Variants in TMEM132D observed in about 807,000 individuals in gnomAD.
TMEM132D encodes the protein transmembrane protein 132D.
TMEM132D carries 21 observed loss-of-function variants against 62.3 expected under a neutral mutation model. The observed-to-expected ratio is 0.34, with a 90% CI of 0.24 to 0.49. The LOEUF (loss-of-function observed/expected upper bound fraction) is 0.49. TMEM132D is among the 20% of genes least tolerant of loss of function. The probability of loss-of-function intolerance (pLI) is 0.99; values close to 1 mark genes in which losing one functional copy is unlikely to be tolerated. For synonymous variants in TMEM132D, 621 were observed against 575.6 expected, an observed-to-expected ratio of 1.08 and a Z score of -1.13; for missense variants, 1,346 against 1,402.8, an observed-to-expected ratio of 0.96 and a Z score of 0.65.
chr12:129,282,213 C>T (rs1314167434), intron 4 of TMEM132D, among the ~76,000 whole-genome samples: 2 of 152,104 alleles, frequency 1.3e-5, no homozygotes, highest in Non-Finnish European at 2.9e-5. Context: ...TTGTCTCAAC[C>T]CTGGTCTGAA....
At chr12:129,870,734 C>T (rs991845315) in intron 1 of TMEM132D, among the ~76,000 whole-genome samples, 1 of 152,094 alleles carries the variant, frequency 6.6e-6, no homozygotes, top group Non-Finnish European at 1.5e-5. Flanking sequence ...TGTGTAGGCA[C>T]GTTGGACAGA....
rs1373551556 is a variant in TMEM132D at position 129,621,521 on chromosome 12, GCACCACC to G, written c.968+78282_968+78288del. On this transcript the variant is annotated intron_variant, in intron 2 of 8. Coordinates refer to ENST00000422113, the MANE Select transcript of TMEM132D (RefSeq NM_133448.3). Reference sequence around the variant, plus strand: ...CCCCACTGGCCAAAATGCTGTGCTTGCACCACCGATGCACCCAGTGAATGTTTGATAT... The same window carrying G: ...CCCCACTGGCCAAAATGCTGTGCTTGGATGCACCCAGTGAATGTTTGATAT... Among the ~76,000 whole-genome samples the G allele has an allele frequency of 1.3e-4, 3 of 22,400 alleles. No homozygotes were observed. In the East Asian group the frequency reaches 8.3e-3, roughly 62 times the overall value. 14.7% of individuals were successfully genotyped at this position (22,400 alleles called of 152,430 possible). A position where few individuals can be genotyped will look rare whatever the true frequency, so the allele number is the denominator to read the frequency against.
At chr12:129,236,986 T>C (rs937012010) in intron 4 of TMEM132D, among the ~76,000 whole-genome samples, 7 of 152,230 alleles carry the variant, frequency 4.6e-5, no homozygotes, top group African/African-American at 1.7e-4. Context: ...GAGATGATCA[T>C]GTGATTTTTA....
intron 4 of TMEM132D, among the ~76,000 whole-genome samples, chr12:129,267,290 G>A (rs56689947): frequency 0.02 from 3,063 of 152,160 alleles, 112 homozygotes; most frequent in African/African-American, 0.07. Context: ...AAACCCCATC[G>A]TCTCAGCCCA....
rs1408081449 is a variant in TMEM132D at position 129,089,489 on chromosome 12, CATGACCGGGTGTCCTCT to C, written c.1444-4804_1444-4788del. Among the ~76,000 whole-genome samples, 74 of 30,214 alleles carry C rather than the reference CATGACCGGGTGTCCTCT, an allele frequency of 2.4e-3. 17 individuals carry two copies. Among genetic ancestry groups the C allele is most frequent in the South Asian group, 0.011 (9 of 846 alleles). 19.8% of individuals were successfully genotyped at this position (30,214 alleles called of 152,430 possible). On this transcript the variant is annotated intron_variant, in intron 5 of 8. Transcript: ENST00000422113. ...GTGTCCTCCATGACCGGGTGTCCTC[CATGACCGGGTGTCCTCT>C]ATGACCGGGTGTCCTCCATGACCGG...
chr12:129,886,292 G>T (rs1274037627), intron 1 of TMEM132D, among the ~76,000 whole-genome samples: 1 of 152,088 alleles, frequency 6.6e-6, no homozygotes, highest in African/African-American at 2.4e-5. Flanking sequence ...TACTTCTGAG[G>T]GGAATGAATC....
At chr12:129,888,368 G>A (rs148253679) in intron 1 of TMEM132D, among the ~76,000 whole-genome samples, 28 of 152,214 alleles carry the variant, frequency 1.8e-4, no homozygotes, top group Non-Finnish European at 3.5e-4. Flanking sequence ...TTAAATATTA[G>A]AGAAAATTTG....
At chr12:129,465,903 G>T (rs1301574188) in intron 3 of TMEM132D, among the ~76,000 whole-genome samples, 1 of 152,022 alleles carries the variant, frequency 6.6e-6, no homozygotes, top group Admixed American at 6.6e-5. Flanking sequence ...GGCTGGTGTC[G>T]AATTCCTGAC....
At position 129,600,909 on chromosome 12, in the gene TMEM132D, G is replaced by A. The variant is rs141238477; in HGVS notation, c.969-69704C>T. On this transcript the variant is annotated intron_variant, in intron 2 of 8. Transcript: ENST00000422113. ...CTAGGAATTTCAGAGTGGTAAATGC[G>A]TGTTGGCTTCAACTTAAAGTCACCA... Among the ~76,000 whole-genome samples, 320 of 152,236 alleles carry A rather than the reference G, an allele frequency of 2.1e-3. 4 individuals carry two copies. Among genetic ancestry groups the A allele is most frequent in the East Asian group, 9.8e-3 (51 of 5,178 alleles).
At chr12:129,388,585 C>T (rs1357146669) in intron 3 of TMEM132D, among the ~76,000 whole-genome samples, 5 of 111,560 alleles carry the variant, frequency 4.5e-5, no homozygotes, top group South Asian at 2.8e-4. Flanking sequence ...ACACTAACAC[C>T]GACACCAATA....
chr12:129,373,501 G>A (rs546451786), intron 3 of TMEM132D, among the ~76,000 whole-genome samples: 21 of 151,988 alleles, frequency 1.4e-4, no homozygotes, highest in African/African-American at 4.1e-4. Flanking sequence ...GCTCGGTGGC[G>A]GGCGCCTGTA....
intron 2 of TMEM132D, among the ~76,000 whole-genome samples, chr12:129,571,176 C>G (rs1434123802): frequency 6.6e-6 from 1 of 152,206 alleles, no homozygotes; most frequent in East Asian, 1.9e-4. Flanking sequence ...CACTGTTGAA[C>G]AGGAATTTAA....
chr12:129,851,312 A>T (rs1463193949), intron 1 of TMEM132D, among the ~76,000 whole-genome samples: 4 of 152,224 alleles, frequency 2.6e-5, no homozygotes, highest in African/African-American at 9.7e-5. Flanking sequence ...TTAGAATTTT[A>T]AAATCTCCTA....
In TMEM132D at chr12:129,636,737, T is replaced by TGTGTGTGAGAGAGA. The variant is rs375868329; in HGVS notation, c.968+63072_968+63073insTCTCTCTCACACAC. On this transcript the variant is annotated intron_variant, in intron 2 of 8. Coordinates refer to ENST00000422113, the MANE Select transcript of TMEM132D (RefSeq NM_133448.3). ...GTGTGTGTGTGTGTGTGTGTGTGTG[T>TGTGTGTGAGAGAGA]GAGAGAGAGAGAGAGAGAGACAGAG... Among the ~76,000 whole-genome samples the TGTGTGTGAGAGAGA allele has an allele frequency of 2.4e-3, 275 of 113,600 alleles. 3 individuals are homozygous for TGTGTGTGAGAGAGA. The highest frequency in any genetic ancestry group is 3.1e-3 in the African/African-American group (94 of 30,016). 74.5% of individuals were successfully genotyped at this position (113,600 alleles called of 152,430 possible).
intron 1 of TMEM132D, among the ~76,000 whole-genome samples, chr12:129,878,803 A>C (rs1874509300): frequency 6.6e-6 from 1 of 152,078 alleles, no homozygotes; most frequent in Non-Finnish European, 1.5e-5. Context: ...TCCTGACCTC[A>C]AGTGATCCAC....
At chr12:129,299,917 G>C (rs1881669038) in intron 4 of TMEM132D, among the ~76,000 whole-genome samples, 1 of 152,142 alleles carries the variant, frequency 6.6e-6, no homozygotes, top group African/African-American at 2.4e-5. Flanking sequence ...GCAAACTTCA[G>C]ACCTCAAGGA....
At chr12:129,772,173 T>G (rs1373011519) in intron 1 of TMEM132D, among the ~76,000 whole-genome samples, 1 of 152,240 alleles carries the variant, frequency 6.6e-6, no homozygotes, top group Non-Finnish European at 1.5e-5. Flanking sequence ...CTGTCTCATT[T>G]TTTTAACAGG....
intron 5 of TMEM132D, among the ~76,000 whole-genome samples, chr12:129,127,836 C>G (rs968899798): frequency 1.3e-5 from 2 of 152,218 alleles, no homozygotes; most frequent in Non-Finnish European, 2.9e-5. Flanking sequence ...CCCGGATTCA[C>G]CTTCTAACTG....
intron 1 of TMEM132D, among the ~76,000 whole-genome samples, chr12:129,788,325 T>C (rs1018538384): frequency 6.6e-6 from 1 of 152,234 alleles, no homozygotes; most frequent in African/African-American, 2.4e-5. Flanking sequence ...AATATCAGAT[T>C]AGAAGCTTTG....
Sources: allele counts gnomAD v4.1 joint callset (sites outside exome capture counted in the v4.1 genomes callset), GRCh38; gene constraint gnomAD v4.1.1; transcripts MANE v1.5; gene names NCBI Gene and HGNC (gene_info 2026-07-23, HGNC 2026-07-21).